The following RBFOX1 variants were observed in gnomAD, a reference collection of about 807,000 sequenced individuals.
RBFOX1 encodes the protein RNA binding protein fox-1 homolog 1.
A neutral mutation model predicts 57.7 loss-of-function variants in RBFOX1; 8 were observed. The observed-to-expected ratio is 0.14, with a 90% CI of 0.08 to 0.25. The LOEUF is 0.25. Ranked by LOEUF, RBFOX1 falls within the 10% of genes least tolerant of loss-of-function variation. RBFOX1 has a pLI of 1.00. For missense variants in RBFOX1, 611 were observed against 548.5 expected (o/e 1.11, Z -1.14); for synonymous variants, 326 against 222.4 (o/e 1.47, Z -4.15).
rs1033292765 is a variant in RBFOX1 at position 5,861,280 on chromosome 16, A to AC, written c.319-6018dup. On this transcript the variant is annotated intron_variant, in intron 3 of 19. Transcript: ENST00000641259. Reference sequence around the variant, plus strand: ...GATACACGGTTGGCTACATGCTTACACCCCCGTGCCACACAGGTGACTATG... The same window carrying AC: ...GATACACGGTTGGCTACATGCTTACACCCCCCGTGCCACACAGGTGACTATG... 7.1e-4 allele frequency among the ~76,000 whole-genome samples: 108 copies of AC among 152,114 alleles called. 1 individual carries two copies. The highest frequency in any genetic ancestry group is 2.5e-3 in the African/African-American group (105 of 41,498).
intron 3 of RBFOX1, among the ~76,000 whole-genome samples, chr16:5,729,447 G>A (rs1370642567): frequency 4.0e-5 from 4 of 99,422 alleles, no homozygotes; most frequent in South Asian, 3.0e-4. Flanking sequence ...TGTTTTTTTC[G>A]TTGAGCATCT....
chr16:5,843,569 G>A (rs1314884883), intron 3 of RBFOX1, among the ~76,000 whole-genome samples: 1 of 152,048 alleles, frequency 6.6e-6, no homozygotes, highest in Non-Finnish European at 1.5e-5. Flanking sequence ...CATTTAGGTC[G>A]ATTTCATGTC....
chr16:7,146,429 C>T (rs577538690), intron 4 of RBFOX1, among the ~76,000 whole-genome samples: 1 of 152,202 alleles, frequency 6.6e-6, no homozygotes, highest in Non-Finnish European at 1.5e-5. Flanking sequence ...TACCCAGCAG[C>T]TCTGTCACCC....
chr16:7,594,646 A>G (rs1288481368), intron 7 of RBFOX1, among the ~76,000 whole-genome samples: 1 of 152,218 alleles, frequency 6.6e-6, no homozygotes, highest in Non-Finnish European at 1.5e-5. Context: ...TATGTTATCT[A>G]TCAGTAAAAG....
intron 4 of RBFOX1, among the ~76,000 whole-genome samples, chr16:7,447,500 G>C (rs1288243873): frequency 1.3e-5 from 2 of 151,364 alleles, no homozygotes; most frequent in African/African-American, 4.9e-5. Context: ...TGCAGAGTTA[G>C]GGGTAGCATA....
chr16:7,220,159 A>T (rs190305021), intron 4 of RBFOX1, among the ~76,000 whole-genome samples: 2 of 152,192 alleles, frequency 1.3e-5, no homozygotes, highest in Non-Finnish European at 2.9e-5. Flanking sequence ...CCCACTCCCG[A>T]CAACCATCAT....
intron 4 of RBFOX1, among the ~76,000 whole-genome samples, chr16:5,942,697 G>T (rs973939986): frequency 1.3e-5 from 2 of 152,086 alleles, no homozygotes; most frequent in Non-Finnish European, 2.9e-5. Context: ...AAGTTAGCTT[G>T]GCCTATACCC....
chr16:5,679,292 C>G (rs918546887), intron 3 of RBFOX1, among the ~76,000 whole-genome samples: 1 of 151,828 alleles, frequency 6.6e-6, no homozygotes, highest in African/African-American at 2.4e-5. Flanking sequence ...TAAAGTCATG[C>G]TGTTACATCC....
At chr16:5,795,076 G>A (rs956763) in intron 3 of RBFOX1, among the ~76,000 whole-genome samples, 2 of 152,154 alleles carry the variant, frequency 1.3e-5, no homozygotes, top group African/African-American at 4.8e-5. Context: ...TTCCATCTCA[G>A]TTTCTCATGT....
At chr16:7,125,216 C>G (rs2068194105) in intron 4 of RBFOX1, among the ~76,000 whole-genome samples, 2 of 152,136 alleles carry the variant, frequency 1.3e-5, no homozygotes, top group African/African-American at 4.8e-5. Context: ...AGTTCAGATC[C>G]CAGATCTGCC....
intron 3 of RBFOX1, among the ~76,000 whole-genome samples, chr16:6,965,316 TGTGTGTGTGTGTGTGTGTGTG>T (rs2083892820): frequency 3.0e-3 from 1 of 330 alleles, no homozygotes; most frequent in African/African-American, 0.011. Flanking sequence ...TTTCTTTTGT[TGTGTGTGTGTGTGTGTGTGTG>T]TGTGTGTGTG....
intron 4 of RBFOX1, among the ~76,000 whole-genome samples, chr16:7,185,776 CTT>C (rs2083602059): frequency 6.6e-6 from 1 of 152,172 alleles, no homozygotes; most frequent in Admixed American, 6.6e-5. Flanking sequence ...ACTGTAAAGT[CTT>C]TACACTGGCA....
chr16:7,190,334 G>A (rs1350986330), intron 4 of RBFOX1, among the ~76,000 whole-genome samples: 2 of 152,086 alleles, frequency 1.3e-5, no homozygotes, highest in Non-Finnish European at 2.9e-5. Flanking sequence ...ACTCCAGCCT[G>A]GGTGACAGAG....
chr16:7,223,486 A>G (rs1254016107), intron 4 of RBFOX1, among the ~76,000 whole-genome samples: 2 of 152,230 alleles, frequency 1.3e-5, no homozygotes, highest in African/African-American at 2.4e-5. Context: ...ATAGAATATT[A>G]TAGGTTATGC....
intron 5 of RBFOX1, among the ~76,000 whole-genome samples, chr16:7,560,836 C>T (rs1264365574): frequency 6.6e-6 from 1 of 152,230 alleles, no homozygotes; most frequent in Non-Finnish European, 1.5e-5. Context: ...GGGACCTAAA[C>T]ATTTGCTCCT....
At chr16:7,214,667 C>A (rs1021103494) in intron 4 of RBFOX1, among the ~76,000 whole-genome samples, 2 of 152,038 alleles carry the variant, frequency 1.3e-5, no homozygotes. Flanking sequence ...CTGCTCTGAG[C>A]CCTGCACATA....
chr16:6,101,366 AC>A (rs1211098039), intron 1 of RBFOX1, among the ~76,000 whole-genome samples: 1 of 152,214 alleles, frequency 6.6e-6, no homozygotes. Context: ...CTCATACTGA[AC>A]CAAGTCGTTA....
chr16:7,568,681 C>T (rs12932386), intron 5 of RBFOX1, among the ~76,000 whole-genome samples: 3 of 151,284 alleles, frequency 2.0e-5, no homozygotes, highest in Admixed American at 6.6e-5. Context: ...GTCAGGAGAT[C>T]GAGACCATCC....
chr16:7,398,588 C>T (rs910974633), intron 4 of RBFOX1, among the ~76,000 whole-genome samples: 1 of 152,228 alleles, frequency 6.6e-6, no homozygotes, highest in African/African-American at 2.4e-5. Flanking sequence ...TGACAAATGC[C>T]ACCTTCAATC....
Sources: gnomAD v4.1 joint callset for allele counts (sites outside exome capture counted in the v4.1 genomes callset) on GRCh38, gnomAD v4.1.1 for gene constraint, MANE v1.5 for transcripts, NCBI Gene and HGNC (gene_info 2026-07-23, HGNC 2026-07-21) for gene names.